The following MMP26 variants were observed in gnomAD, a reference collection of about 807,000 sequenced individuals.
The protein encoded by MMP26 is matrix metalloproteinase-26.
MMP26 carries 33 observed loss-of-function variants against 31.0 expected under a neutral mutation model. That is an observed-to-expected ratio of 1.06 (90% CI 0.81 to 1.42). The LOEUF (loss-of-function observed/expected upper bound fraction) is 1.42. MMP26 is among the 40% of genes most tolerant of loss of function. MMP26 has a pLI of 0.00. For missense variants in MMP26, 347 were observed against 316.1 expected (o/e 1.10, Z -0.74); for synonymous variants, 122 against 114.9 (o/e 1.06, Z -0.40).
At chr11:4,782,118 A>G (rs1217076861) in intron 2 of MMP26, among the ~76,000 whole-genome samples, 1 of 152,220 alleles carries the variant, frequency 6.6e-6, no homozygotes, top group Admixed American at 6.5e-5. Context: ...CCCCAAAAAT[A>G]TGGAAGTGAC....
intron 2 of MMP26, chr11:4,889,572 C>T (rs1301528059): frequency 1.3e-5 from 2 of 152,190 alleles, no homozygotes; most frequent in African/African-American, 4.8e-5. Context: ...TCTTGTACCA[C>T]GTTTACTGAC....
chr11:4,982,624 G>A (rs4456250), intron 2 of MMP26, among the ~76,000 whole-genome samples: 15,519 of 151,996 alleles, frequency 0.1, 1,547 homozygotes, highest in East Asian at 0.3. Flanking sequence ...AGTAAAAGTT[G>A]GTTACTCTTA....
At chr11:4,810,422 T>C (rs1849334861) in intron 2 of MMP26, among the ~76,000 whole-genome samples, 1 of 152,182 alleles carries the variant, frequency 6.6e-6, no homozygotes, top group Non-Finnish European at 1.5e-5. Flanking sequence ...TATATCAAAT[T>C]ATGAATCATA....
At chr11:4,788,822 C>T (rs1848982429) in intron 2 of MMP26, among the ~76,000 whole-genome samples, 1 of 152,112 alleles carries the variant, frequency 6.6e-6, no homozygotes, top group Non-Finnish European at 1.5e-5. Context: ...GATGCTTTCT[C>T]ACCTCAAGTA....
chr11:4,912,779 T>C (rs1382737718), intron 2 of MMP26: 1 of 152,178 alleles, frequency 6.6e-6, no homozygotes, highest in Non-Finnish European at 1.5e-5. Context: ...TTTAATTACA[T>C]TGTTTTTTAA....
intron 2 of MMP26, chr11:4,943,675 T>A: frequency 2.8e-6 from 1 of 357,192 alleles, no homozygotes. Flanking sequence ...CTCTTGGAGG[T>A]AACATTGCTG....
chr11:4,821,895 G>A, intron 2 of MMP26: 1 of 1,613,970 alleles, frequency 6.2e-7, no homozygotes, highest in Non-Finnish European at 8.5e-7. Context: ...TTGCCGTCAT[G>A]TTGCCAGTCA....
intron 1 of MMP26, among the ~76,000 whole-genome samples, chr11:4,715,528 C>T (rs181678403): frequency 1.6e-4 from 24 of 152,230 alleles, no homozygotes; most frequent in African/African-American, 5.8e-4. Flanking sequence ...ATGAATTAAG[C>T]AAGCACATTA....
chr11:4,882,341 C>T (rs752189651), intron 2 of MMP26: 10 of 1,613,938 alleles, frequency 6.2e-6, no homozygotes, highest in Middle Eastern at 1.7e-4. Flanking sequence ...GGTGATAGGG[C>T]TGGTCATCTG....
intron 2 of MMP26, among the ~76,000 whole-genome samples, chr11:4,941,638 C>T (rs1846206973): frequency 6.6e-6 from 1 of 152,146 alleles, no homozygotes; most frequent in Admixed American, 6.5e-5. Context: ...CCAAGACCAT[C>T]ATGCTTGAGG....
At chr11:4,881,000 T>A (rs948022510) in intron 2 of MMP26, among the ~76,000 whole-genome samples, 2 of 152,146 alleles carry the variant, frequency 1.3e-5, no homozygotes, top group Admixed American at 6.6e-5. Flanking sequence ...GTCTTCTGTA[T>A]ATGAATGGGC....
At chr11:4,823,875 C>T (rs1035622708) in intron 2 of MMP26, among the ~76,000 whole-genome samples, 5 of 152,190 alleles carry the variant, frequency 3.3e-5, no homozygotes, top group African/African-American at 1.2e-4. Context: ...AAACGTTGTT[C>T]ATAACTCCAT....
chr11:4,906,726 A>C (rs1157516045), intron 2 of MMP26, among the ~76,000 whole-genome samples: 1 of 152,180 alleles, frequency 6.6e-6, no homozygotes, highest in African/African-American at 2.4e-5. Context: ...TGAGTGGAAA[A>C]GATTCTAAGT....
intron 2 of MMP26, chr11:4,860,292 G>A (rs925187428): frequency 4.2e-6 from 2 of 471,132 alleles, no homozygotes; most frequent in African/African-American, 4.0e-5. Flanking sequence ...CAATCTGAGG[G>A]GCATTAAACC....
intron 1 of MMP26, among the ~76,000 whole-genome samples, chr11:4,759,111 C>CAAAAAAAAAA (rs989730402): frequency 2.3e-5 from 1 of 43,202 alleles, no homozygotes; most frequent in East Asian, 9.7e-4. Context: ...CATTCCATCT[C>CAAAAAAAAAA]AAAAAAAAAA....
At chr11:4,807,294 A>T (rs1220078273) in intron 2 of MMP26, among the ~76,000 whole-genome samples, 4 of 152,120 alleles carry the variant, frequency 2.6e-5, no homozygotes, top group African/African-American at 9.7e-5. Flanking sequence ...TCCCACCAAC[A>T]GTGTAAAAGC....
intron 2 of MMP26, among the ~76,000 whole-genome samples, chr11:4,796,970 G>A (rs535327342): frequency 6.6e-5 from 10 of 151,830 alleles, no homozygotes; most frequent in East Asian, 3.9e-4. Flanking sequence ...GAGAGTGAGC[G>A]CTCCCAGAGA....
intron 2 of MMP26, among the ~76,000 whole-genome samples, chr11:4,833,569 A>G (rs1337650833): frequency 6.6e-6 from 1 of 152,206 alleles, no homozygotes; most frequent in Non-Finnish European, 1.5e-5. Context: ...GCTGACTGAC[A>G]GCAACAGCAT....
Position 4,777,520 on chromosome 11 carries a change from G to A in MMP26, c.-145+10179G>A, listed in dbSNP as rs530364318. On this transcript the variant is annotated intron_variant, in intron 2 of 7. Coordinates refer to ENST00000380390, the MANE Select transcript of MMP26 (RefSeq NM_021801.5). ...CAGTATGCAGATTACAAGCAAACTG[G>A]TTGAATTTTCACATTTGAATACATC... is the stretch of plus-strand genomic sequence containing the variant. 9.9e-5 allele frequency among the ~76,000 whole-genome samples: 15 copies of A among 152,158 alleles called. No individual in the cohort carries two copies. In the South Asian group the frequency reaches 2.7e-3, roughly 27 times the overall value.
Sources: gnomAD v4.1 joint callset for allele counts (sites outside exome capture counted in the v4.1 genomes callset) on GRCh38, gnomAD v4.1.1 for gene constraint, MANE v1.5 for transcripts, NCBI Gene and HGNC (gene_info 2026-07-23, HGNC 2026-07-21) for gene names.